HOOK1: variants seen among roughly 807,000 people sequenced by gnomAD.
HOOK1 encodes protein Hook homolog 1.
Under a neutral mutation model 112.8 loss-of-function variants are expected in HOOK1, and 60 were observed. The observed-to-expected ratio is 0.53, with a 90% confidence interval of 0.43 to 0.66. HOOK1 has a LOEUF of 0.66. HOOK1 is among the 30% of genes least tolerant of loss of function. The pLI is 0.00. For synonymous variants in HOOK1, 294 were observed against 283.8 expected (o/e 1.04, Z -0.36); for missense variants, 770 against 856.0 (o/e 0.90, Z 1.25).
intron 2 of HOOK1, among the ~76,000 whole-genome samples, chr1:59,824,864 G>A (rs540783616): frequency 7.2e-5 from 11 of 152,316 alleles, no homozygotes; most frequent in East Asian, 1.9e-4. Context: ...CTATACAACT[G>A]TGTTAGTTTC....
At chr1:59,846,596 C>CCCT (rs1553462824) in intron 9 of HOOK1, among the ~76,000 whole-genome samples, 32 of 86,710 alleles carry the variant, frequency 3.7e-4, no homozygotes, top group South Asian at 4.6e-4. Flanking sequence ...CCTCCCTCCT[C>CCCT]CCTCCCTCCC....
intron 1 of HOOK1, among the ~76,000 whole-genome samples, chr1:59,820,167 T>C (rs913447496): frequency 7.2e-5 from 11 of 152,224 alleles, no homozygotes; most frequent in Non-Finnish European, 1.5e-5. Flanking sequence ...ATTTAATATG[T>C]CTAGAGATTC....
chr1:59,875,758 T>TAA lies in HOOK1; in HGVS notation c.*2793_*2794insAA, dbSNP rs1644119721. 6.6e-6 allele frequency: 1 copy of TAA among 152,252 alleles called. No individual in the cohort carries two copies. Among genetic ancestry groups the TAA allele is most frequent in the Non-Finnish European group, 1.5e-5 (1 of 68,028 alleles). The allele number at this position is 152,252 out of a possible 1,614,324, so 9.4% of individuals were successfully genotyped here. On this transcript the variant is annotated 3_prime_UTR_variant, in exon 22 of 22. Transcript: ENST00000371208. ...GTACGTATGGCAGTGATGTCTATGT[T>TAA]GAGATTAACTTATGTATTGAGGAAA...
At chr1:59,857,361 G>A (rs992849840) in intron 12 of HOOK1, among the ~76,000 whole-genome samples, 8 of 152,192 alleles carry the variant, frequency 5.3e-5, no homozygotes, top group Non-Finnish European at 1.2e-4. Context: ...ATCATAGTTA[G>A]AAAAGTTAAA....
Position 59,818,432 on chromosome 1 carries a change from T to G in HOOK1, c.63+3252T>G, listed in dbSNP as rs113083871. On this transcript the variant is annotated intron_variant, in intron 1 of 21. Transcript: ENST00000371208. ...ATTTTATGATTTGGAACTCACCGTC[T>G]TAAAATAATTGGCTCTTAGAAATGT... Among the ~76,000 whole-genome samples, 1,455 of 152,324 alleles carry G rather than the reference T, an allele frequency of 9.6e-3. 19 individuals carry two copies. The highest frequency in any genetic ancestry group is 0.033 in the African/African-American group (1,357 of 41,566).
chr1:59,856,949 A>G (rs141001194), intron 12 of HOOK1, among the ~76,000 whole-genome samples: 1,852 of 152,156 alleles, frequency 0.012, 38 homozygotes, highest in African/African-American at 0.042. Context: ...CTCCGGGAAC[A>G]TGTCAGAGCT....
chr1:59,872,586 T>C (rs964762715), intron 21 of HOOK1, among the ~76,000 whole-genome samples: 1 of 152,200 alleles, frequency 6.6e-6, no homozygotes, highest in African/African-American at 2.4e-5. Context: ...TTAAATTTAG[T>C]GATTAAATAG....
In HOOK1 at chr1:59,834,093, A is replaced by G. The variant is rs140713428; in HGVS notation, c.406+556A>G. ...AAAGGATCATATTTGGTTGCATGTA[A>G]TGATGAATGATGAACTGAACAGGCC... On this transcript the variant is annotated intron_variant, in intron 5 of 21. Transcript: ENST00000371208. 4.4e-4 allele frequency among the ~76,000 whole-genome samples: 67 copies of G among 152,330 alleles called. No homozygotes were observed. The South Asian group carries it at 5.6e-3, about 13-fold the overall frequency.
At chr1:59,848,256 G>T in intron 10 of HOOK1, 59 bp from the exon 11 acceptor site, 1 of 1,177,154 alleles carries the variant, frequency 8.5e-7, no homozygotes, top group Admixed American at 2.2e-5. Context: ...TATAGCCAGA[G>T]TAAAATTATG....
intron 17 of HOOK1, 56 bp from the exon 18 acceptor site, chr1:59,865,107 A>C (rs1643937683): frequency 9.4e-7 from 1 of 1,058,796 alleles, no homozygotes; most frequent in African/African-American, 1.6e-5. Context: ...AACTTGCCCA[A>C]GGTCCACAAA....
chr1:59,845,560 A>G (rs1042640866), intron 9 of HOOK1, among the ~76,000 whole-genome samples: 4 of 151,630 alleles, frequency 2.6e-5, no homozygotes, highest in African/African-American at 7.3e-5. Context: ...CCACCCTGCT[A>G]AAAGTTTTTT....
intron 2 of HOOK1, among the ~76,000 whole-genome samples, chr1:59,826,501 TA>T (rs1406633380): frequency 1.1e-4 from 16 of 152,178 alleles, no homozygotes; most frequent in African/African-American, 2.4e-5. Context: ...TTCTCTGGGC[TA>T]AAGTTGATTT....
rs1483600184 is a variant in HOOK1 at position 59,855,958 on chromosome 1, AT to A, written c.1243-2469del. Among the ~76,000 whole-genome samples, 672 of 101,490 alleles carry A rather than the reference AT, an allele frequency of 6.6e-3. 41 individuals carry two copies. Among genetic ancestry groups the A allele is most frequent in the African/African-American group, 0.024 (548 of 22,712 alleles). The allele number at this position is 101,490 out of a possible 152,430, so 66.6% of individuals were successfully genotyped here. A position where few individuals can be genotyped will look rare whatever the true frequency, so the allele number is the denominator to read the frequency against. On this transcript the variant is annotated intron_variant, in intron 12 of 21. Transcript: ENST00000371208. ...CCAGCTAATTTATATATATATATAT[AT>A]AAATTATTATATATATATATATATA...
At chr1:59,869,227 T>G (rs1377393188) in intron 20 of HOOK1, among the ~76,000 whole-genome samples, 1 of 152,082 alleles carries the variant, frequency 6.6e-6, no homozygotes, top group Non-Finnish European at 1.5e-5. Flanking sequence ...AGTCTTGCTC[T>G]GTCGCCCAGG....
At chr1:59,820,726 A>G (rs1048832264) in intron 1 of HOOK1, among the ~76,000 whole-genome samples, 1 of 152,086 alleles carries the variant, frequency 6.6e-6, no homozygotes, top group Non-Finnish European at 1.5e-5. Flanking sequence ...GACTTACCAT[A>G]TTGTCTAGAA....
intron 15 of HOOK1, among the ~76,000 whole-genome samples, chr1:59,860,758 T>C (rs1394141849): frequency 6.7e-6 from 1 of 150,090 alleles, no homozygotes; most frequent in Non-Finnish European, 1.5e-5. Flanking sequence ...ATAGTTTTTG[T>C]ATTTGTTTTC....
chr1:59,848,484 G>T lies in HOOK1; in HGVS notation c.1099G>T (p.Ala367Ser). The change falls in exon 11 of 22, where the codon GCA (alanine) becomes TCA (serine). Residue 367 changes from alanine (A) to serine (S), a missense_variant. This residue lies in a region of HOOK1 where 655 missense variants were observed against 725.9 expected (regional missense o/e 0.90). Transcript: ENST00000371208. The stretch of plus-strand genomic sequence containing the variant: ...AGAAGAATTAAAAAAAGCAAATGCA[G>T]CACGTACACAATTAGAAACATACAA... ...LEEELKKANA[A>S]RTQLETYKRQ... The T allele has an allele frequency of 6.2e-7, 1 of 1,609,516 alleles. No individual in the cohort carries two copies.
chr1:59,864,599 T>A (rs1340855256), intron 16 of HOOK1, 33 bp from the exon 17 acceptor site: 2 of 1,411,674 alleles, frequency 1.4e-6, no homozygotes, highest in Non-Finnish European at 1.0e-6. Context: ...GTCAAGATAG[T>A]CATCTTACAG....
chr1:59,857,779 G>C (rs879766687), intron 12 of HOOK1, among the ~76,000 whole-genome samples: 15 of 152,308 alleles, frequency 9.8e-5, no homozygotes, highest in Admixed American at 3.9e-4. Context: ...TCGTAACCTA[G>C]AAGTTTGTCA....
Sources: gnomAD v4.1 joint callset for allele counts (sites outside exome capture counted in the v4.1 genomes callset) on GRCh38, gnomAD v4.1.1 for gene constraint, gnomAD v4.1.1 regional missense constraint, MANE v1.5 for transcripts, NCBI Gene and HGNC (gene_info 2026-07-23, HGNC 2026-07-21) for gene names.